The following ZNF563 variants were observed in gnomAD, a reference collection of about 807,000 sequenced individuals.
ZNF563 encodes zinc finger protein 563.
In ZNF563, 39 loss-of-function variants were observed where a neutral mutation model predicts 48.5. The observed-to-expected ratio is 0.80, with a 90% CI of 0.62 to 1.05. ZNF563 has a LOEUF of 1.05. ZNF563 is among the 50% of genes least tolerant of loss of function. The pLI, the probability that ZNF563 is intolerant of heterozygous loss-of-function variation, is 0.00. For synonymous variants in ZNF563, 168 were observed against 187.9 expected, an observed-to-expected ratio of 0.89 and a Z score of 0.87; for missense variants, 538 against 597.0, an observed-to-expected ratio of 0.90 and a Z score of 1.03.
At position 12,317,490 on chromosome 19, in the gene ZNF563, T is replaced by TTTTTTTTTTTC. The variant is rs1968467974; in HGVS notation, c.*1103_*1104insGAAAAAAAAAA. The TTTTTTTTTTTC allele has an allele frequency of 6.6e-6, 1 of 150,650 alleles. No individual in the cohort carries two copies. The highest frequency in any genetic ancestry group is 1.5e-5 in the Non-Finnish European group (1 of 67,760). The allele number at this position is 150,650 out of a possible 1,614,324, so 9.3% of individuals were successfully genotyped here. On this transcript the variant is annotated 3_prime_UTR_variant, in exon 4 of 4. Transcript: ENST00000293725. The stretch of plus-strand genomic sequence containing the variant: ...TTCTTTCTTTCCTTTTTTTTTTTTT[T>TTTTTTTTTTTC]TGTGTGTGTGACAGAGGTTGTTTTG...
chr19:12,331,666 A>T (rs1213707114), intron 1 of ZNF563, among the ~76,000 whole-genome samples: 2 of 152,204 alleles, frequency 1.3e-5, no homozygotes, highest in East Asian at 3.9e-4. Context: ...TTCCCCTGGG[A>T]GGCCCCAGCC....
At position 12,318,747 on chromosome 19, in the gene ZNF563, A is replaced by G. The variant is rs746632740; in HGVS notation, c.1278T>C (p.Cys426=). Residue 426 remains cysteine, a synonymous_variant, in exon 4 of 4, where the codon TGT becomes TGC. Coordinates refer to ENST00000293725, the MANE Select transcript of ZNF563 (RefSeq NM_145276.3). ...SGEKPYECKQ[C]GKALSHSSSF... ...TTGAGCTATGAGATAACGCTTTCCC[A>G]CACTGCTTGCATTCATAGGGTTTCT... 1.2e-6 allele frequency: 2 copies of G among 1,614,178 alleles called. No homozygotes were observed.
rs760418893 is a variant in ZNF563 at position 12,322,586 on chromosome 19, T to C, written c.129A>G (p.Ile43Met). 4 of 1,597,708 alleles carry C rather than the reference T, an allele frequency of 2.5e-6. No individual in the cohort carries two copies. The highest frequency in any genetic ancestry group is 1.1e-5 in the South Asian group (1 of 90,168). The change falls in exon 2 of 4, where the codon ATA becomes ATG. Residue 43 changes from isoleucine to methionine, a missense_variant and splice_region_variant. Ile to Met is a conservative substitution (Grantham distance 10). Transcript: ENST00000293725. ...MQETIRNLDC[I>M]RMIWEEQNTE... ...GTGAAGACATGGTATCATCCTTACT[T>C]ATACAGTCCAGGTTCCTGATGGTTT... is the stretch of plus-strand genomic sequence containing the variant.
At chr19:12,347,312 A>G in the ZNF563 span, 3 of 152,276 alleles carry the variant, frequency 2.0e-5, no homozygotes, top group East Asian at 5.8e-4. Flanking sequence ...ATATTGAAAT[A>G]CCTTCTTCTG....
intron 1 of ZNF563, among the ~76,000 whole-genome samples, chr19:12,327,863 C>A (rs1254893791): frequency 6.6e-6 from 1 of 152,050 alleles, no homozygotes; most frequent in Non-Finnish European, 1.5e-5. Flanking sequence ...ACATAATAAT[C>A]CTTAATATTT....
chr19:12,333,729 A>AC (rs1968981356), upstream of ZNF563: 3 of 533,924 alleles, frequency 5.6e-6, no homozygotes, highest in Admixed American at 3.4e-5. Flanking sequence ...AGTTCTCACG[A>AC]CCCCGCCCCA....
chr19:12,327,946 C>G (rs1310860624), intron 1 of ZNF563, among the ~76,000 whole-genome samples: 1 of 152,166 alleles, frequency 6.6e-6, no homozygotes, highest in Non-Finnish European at 1.5e-5. Context: ...ATACACACAT[C>G]TACAATTATA....
upstream of ZNF563, among the ~76,000 whole-genome samples, chr19:12,337,315 A>C (rs1969031597): frequency 6.6e-6 from 1 of 151,702 alleles, no homozygotes; most frequent in Non-Finnish European, 1.5e-5. Flanking sequence ...CGATCCTCCT[A>C]CCTCAGCCTC....
the ZNF563 span, among the ~76,000 whole-genome samples, chr19:12,344,564 G>T: frequency 6.6e-6 from 1 of 152,092 alleles, no homozygotes; most frequent in Non-Finnish European, 1.5e-5. Context: ...GGAATGGAAA[G>T]AAACTTCCTT....
Position 12,321,276 on chromosome 19 carries a change from G to C in ZNF563, c.187C>G (p.Leu63Val). The change falls in exon 3 of 4, where the codon CTA becomes GTA. Residue 63 changes from leucine to valine, a missense_variant. Physicochemically the swap from Leu to Val is conservative, Grantham distance 32 (BLOSUM62 1). Coordinates refer to ENST00000293725, the MANE Select transcript of ZNF563 (RefSeq NM_145276.3). ...TCTCCTGTGAGTGCAAATTACCTTA[G>C]ATTTCTCCTAGGATTTTTGTACTGA... ...EDQYKNPRRN[L>V]RCHMVERFSE... 6.4e-7 allele frequency: 1 copy of C among 1,572,766 alleles called. No homozygotes were observed. Among genetic ancestry groups the C allele is most frequent in the Non-Finnish European group, 8.6e-7 (1 of 1,160,888 alleles).
At chr19:12,337,908 A>C (rs1300779846), upstream of ZNF563, among the ~76,000 whole-genome samples, 1 of 152,190 alleles carries the variant, frequency 6.6e-6, no homozygotes, top group African/African-American at 2.4e-5. Context: ...TGGGGAACAG[A>C]GTAAAACCAC....
the ZNF563 span, among the ~76,000 whole-genome samples, chr19:12,345,238 T>C: frequency 0.018 from 2,682 of 152,286 alleles, 30 homozygotes; most frequent in Non-Finnish European, 0.026. Context: ...AAGCCTATTC[T>C]AAAATTCACT....
At chr19:12,342,063 G>A in the ZNF563 span, among the ~76,000 whole-genome samples, 2 of 152,168 alleles carry the variant, frequency 1.3e-5, no homozygotes, top group African/African-American at 4.8e-5. Context: ...CTAAGTTGGA[G>A]TACAGTGGCA....
upstream of ZNF563, among the ~76,000 whole-genome samples, chr19:12,333,936 C>T (rs1205073078): frequency 1.3e-5 from 2 of 152,236 alleles, no homozygotes; most frequent in Non-Finnish European, 2.9e-5. Context: ...CCGTACTCAG[C>T]AGGCCCTTAC....
At chr19:12,324,720 GAAAA>G (rs61639995) in intron 1 of ZNF563, among the ~76,000 whole-genome samples, 11 of 56,806 alleles carry the variant, frequency 1.9e-4, no homozygotes, top group East Asian at 1.2e-3. Context: ...TCCGTCTCAA[GAAAA>G]AAAAAAAAAA....
At chr19:12,336,291 G>T (rs1444256212), upstream of ZNF563, among the ~76,000 whole-genome samples, 2 of 151,786 alleles carry the variant, frequency 1.3e-5, no homozygotes, top group African/African-American at 4.8e-5. Flanking sequence ...GGAGATCTTG[G>T]TTCCTCAAAA....
chr19:12,327,779 G>A (rs1252453479), intron 1 of ZNF563, among the ~76,000 whole-genome samples: 2 of 152,120 alleles, frequency 1.3e-5, no homozygotes, highest in Non-Finnish European at 2.9e-5. Flanking sequence ...GACAAATCGG[G>A]TTTTAGATTA....
At chr19:12,336,297 C>CA (rs1416392585), upstream of ZNF563, among the ~76,000 whole-genome samples, 1 of 151,714 alleles carries the variant, frequency 6.6e-6, no homozygotes, top group East Asian at 1.9e-4. Flanking sequence ...CTTGGTTCCT[C>CA]AAAAACAAAA....
At chr19:12,346,057 C>G in the ZNF563 span, 2 of 152,110 alleles carry the variant, frequency 1.3e-5, no homozygotes, top group Non-Finnish European at 2.9e-5. Flanking sequence ...AAAGGACAAT[C>G]TCAAGATGAA....
Sources: gnomAD v4.1 joint callset for allele counts (sites outside exome capture counted in the v4.1 genomes callset) on GRCh38, gnomAD v4.1.1 for gene constraint, MANE v1.5 for transcripts, NCBI Gene and HGNC (gene_info 2026-07-23, HGNC 2026-07-21) for gene names.